LRP1B: variants seen among roughly 807,000 people sequenced by gnomAD.
LRP1B encodes low-density lipoprotein receptor-related protein 1B.
A neutral mutation model predicts 556.6 loss-of-function variants in LRP1B; 217 were observed. The ratio of observed to expected loss-of-function variants is 0.39; its 90% confidence interval spans 0.35 to 0.44. LRP1B has a LOEUF of 0.44. LRP1B is among the 20% of genes least tolerant of loss of function. The pLI is 1.00. For missense variants in LRP1B, 5,053 were observed against 5,620.8 expected (o/e 0.90, Z 3.23); for synonymous variants, 2,047 against 1,865.8 (o/e 1.10, Z -2.50).
intron 11 of LRP1B, among the ~76,000 whole-genome samples, chr2:141,047,054 T>TTAATAATAA (rs70991134): frequency 0.018 from 1,250 of 70,630 alleles, 17 homozygotes; most frequent in Middle Eastern, 0.12. Flanking sequence ...TGCACAAAAA[T>TTAATAATAA]TAATAATAAT....
chr2:140,245,660 A>G (rs1681127105), intron 87 of LRP1B, among the ~76,000 whole-genome samples: 1 of 151,446 alleles, frequency 6.6e-6, no homozygotes, highest in African/African-American at 2.4e-5. Flanking sequence ...ATATAAATTA[A>G]TATGCCTCCA....
At chr2:140,719,525 C>T (rs1280384154) in intron 35 of LRP1B, among the ~76,000 whole-genome samples, 4 of 152,038 alleles carry the variant, frequency 2.6e-5, no homozygotes, top group Non-Finnish European at 4.4e-5. Context: ...TACACCATGA[C>T]ATCTTGAACA....
chr2:141,639,304 GTATATATA>G (rs577532316), intron 2 of LRP1B, among the ~76,000 whole-genome samples: 13,481 of 58,280 alleles, frequency 0.23, 2,138 homozygotes, highest in East Asian at 0.37. Context: ...CATCATGTGT[GTATATATA>G]TATATATATA....
chr2:141,174,141 A>G (rs533365650), intron 7 of LRP1B, among the ~76,000 whole-genome samples: 1 of 152,246 alleles, frequency 6.6e-6, no homozygotes, highest in East Asian at 1.9e-4. Flanking sequence ...CCAAATCTGG[A>G]AAACAAGATA....
Position 140,525,929 on chromosome 2 carries a change from A to G in LRP1B, c.7941T>C (p.Asn2647=), listed in dbSNP as rs1012161407. 1.9e-6 allele frequency: 3 copies of G among 1,612,452 alleles called. No homozygotes were observed. In the African/African-American group the frequency reaches 4.0e-5, roughly 22 times the overall value. The change falls in exon 49 of 91, where the codon AAT becomes AAC. Residue 2647 remains asparagine, a synonymous_variant. Transcript: ENST00000389484. ...TTGGCAGAACACACAGTGAGGTAGA[A>G]TTACATCTTATGAACCCTGTGGTTT... ...GVKTTGFIRC[N]STSLCVLPTW...
At chr2:140,244,238 A>T (rs778910110) in intron 87 of LRP1B, among the ~76,000 whole-genome samples, 13 of 151,242 alleles carry the variant, frequency 8.6e-5, no homozygotes, top group Non-Finnish European at 1.3e-4. Context: ...CTGGTATAAT[A>T]TAACCAGTTT....
At chr2:140,653,298 G>T (rs922247275) in intron 41 of LRP1B, among the ~76,000 whole-genome samples, 26 of 152,096 alleles carry the variant, frequency 1.7e-4, no homozygotes, top group African/African-American at 6.0e-4. Flanking sequence ...AGTAGCAAAA[G>T]TTTACTCCCT....
intron 32 of LRP1B, among the ~76,000 whole-genome samples, chr2:140,784,376 C>CCACACACACAAA (rs1553533121): frequency 1.6e-5 from 2 of 126,574 alleles, no homozygotes; most frequent in African/African-American, 5.8e-5. Flanking sequence ...GATTCTGCCT[C>CCACACACACAAA]CACACACACA....
At chr2:141,928,619 A>C (rs1354316969) in intron 1 of LRP1B, among the ~76,000 whole-genome samples, 1 of 152,134 alleles carries the variant, frequency 6.6e-6, no homozygotes, top group Non-Finnish European at 1.5e-5. Flanking sequence ...GAACCATATC[A>C]CTCAGAGCTC....
chr2:142,128,457 T>C (rs1707734876), intron 1 of LRP1B, among the ~76,000 whole-genome samples: 2 of 152,218 alleles, frequency 1.3e-5, no homozygotes, highest in African/African-American at 4.8e-5. Context: ...GAGTTTATAT[T>C]CCCATATCTT....
At chr2:140,926,741 A>G (rs1694898116) in intron 20 of LRP1B, among the ~76,000 whole-genome samples, 1 of 152,146 alleles carries the variant, frequency 6.6e-6, no homozygotes, top group African/African-American at 2.4e-5. Context: ...GGGGATTTAT[A>G]AAAGCTCAGA....
chr2:140,266,024 A>G (rs1053296278), intron 86 of LRP1B, among the ~76,000 whole-genome samples: 1 of 151,976 alleles, frequency 6.6e-6, no homozygotes, highest in Non-Finnish European at 1.5e-5. Flanking sequence ...CTCCTGAACC[A>G]TCTCTCTCTC....
chr2:141,728,811 A>G (rs558808442), intron 2 of LRP1B, among the ~76,000 whole-genome samples: 2 of 152,258 alleles, frequency 1.3e-5, no homozygotes, highest in Non-Finnish European at 2.9e-5. Flanking sequence ...TGTGACGAAA[A>G]CAACATCATT....
chr2:142,130,249 C>G (rs1273128121), intron 1 of LRP1B, among the ~76,000 whole-genome samples: 3 of 152,216 alleles, frequency 2.0e-5, no homozygotes, highest in African/African-American at 7.2e-5. Context: ...AGGGCGGACA[C>G]GCTTAACGCG....
intron 1 of LRP1B, among the ~76,000 whole-genome samples, chr2:142,129,370 A>G (rs1228374146): frequency 1.3e-5 from 2 of 152,246 alleles, no homozygotes; most frequent in African/African-American, 4.8e-5. Context: ...CTGGTAGAGG[A>G]AATAACACGT....
chr2:140,701,929 G>C (rs1412916368), intron 39 of LRP1B, 84 bp from the exon 40 acceptor site: 6 of 1,540,440 alleles, frequency 3.9e-6, no homozygotes, highest in East Asian at 4.5e-5. Flanking sequence ...ATAACAGATG[G>C]ACCAACAGAA....
intron 5 of LRP1B, among the ~76,000 whole-genome samples, chr2:141,244,770 C>T (rs1684008106): frequency 6.6e-6 from 1 of 152,098 alleles, no homozygotes; most frequent in Non-Finnish European, 1.5e-5. Flanking sequence ...ACCTTTAGAA[C>T]TTGCCAGTGT....
At chr2:140,433,295 G>A (rs35697346) in intron 66 of LRP1B, among the ~76,000 whole-genome samples, 20,926 of 151,820 alleles carry the variant, frequency 0.14, 1,657 homozygotes, top group African/African-American at 0.21. Flanking sequence ...ACTGGGTTTC[G>A]CCATGTTGAC....
intron 7 of LRP1B, among the ~76,000 whole-genome samples, chr2:141,156,782 A>G (rs1702078976): frequency 6.6e-6 from 1 of 152,144 alleles, no homozygotes; most frequent in African/African-American, 2.4e-5. Context: ...TAGGAATTTG[A>G]ATCTTGAGGG....
Sources: allele counts gnomAD v4.1 joint callset (sites outside exome capture counted in the v4.1 genomes callset), GRCh38; gene constraint gnomAD v4.1.1; transcripts MANE v1.5; gene names NCBI Gene and HGNC (gene_info 2026-07-23, HGNC 2026-07-21).